The following GRIP1 variants were observed in gnomAD, a reference collection of about 807,000 sequenced individuals.
The protein encoded by GRIP1 is glutamate receptor interacting protein 1, also known as glutamate receptor-interacting protein 1.
GRIP1 carries 45 observed loss-of-function variants against 129.9 expected under a neutral mutation model. The observed-to-expected ratio is 0.35, with a 90% CI of 0.27 to 0.44. The LOEUF (loss-of-function observed/expected upper bound fraction) is 0.44, where lower values mean the gene tolerates loss of function less well. GRIP1 is among the 20% of genes least tolerant of loss of function. The pLI is 1.00. For missense variants in GRIP1, 1,196 were observed against 1,396.8 expected (o/e 0.86, Z 2.29); for synonymous variants, 530 against 520.8 (o/e 1.02, Z -0.24).
chr12:66,614,984 C>G (rs905744051), intron 1 of GRIP1, among the ~76,000 whole-genome samples: 3 of 152,152 alleles, frequency 2.0e-5, no homozygotes, highest in Non-Finnish European at 4.4e-5. Context: ...GCTGCTTCTC[C>G]TTTCCCAAGT....
Position 66,539,093 on chromosome 12 carries a change from C to G in GRIP1, c.403G>C (p.Glu135Gln). 1 of 1,613,816 alleles carries G rather than the reference C, an allele frequency of 6.2e-7. No homozygotes were observed. Among genetic ancestry groups the G allele is most frequent in the African/African-American group, 1.3e-5 (1 of 74,926 alleles). Residue 135 changes from glutamate (E) to glutamine (Q), a missense_variant, in exon 4 of 25, where the codon GAG (glutamate) becomes CAG (glutamine). Physicochemically the swap from Glu to Gln is conservative, Grantham distance 29 (BLOSUM62 2). Transcript: ENST00000359742. ...CTGTACTTACAGACCGGTGGAAGCTCGTACTCTACTTCAAGAACCACTCTT... is the reference window on the plus strand; with the variant it reads ...CTGTACTTACAGACCGGTGGAAGCTGGTACTCTACTTCAAGAACCACTCTT... Reference protein sequence around the residue: ...GERVVLEVEYELPPVSVQGSS... With the variant: ...GERVVLEVEYQLPPVSVQGSS...
intron 1 of GRIP1, among the ~76,000 whole-genome samples, chr12:66,834,021 C>G (rs1179298792): frequency 3.3e-5 from 5 of 151,760 alleles, no homozygotes; most frequent in Admixed American, 2.0e-4. Context: ...ACTAAAAATA[C>G]AGAAAAATTA....
chr12:66,704,276 T>C (rs1215142341), intron 1 of GRIP1, among the ~76,000 whole-genome samples: 1 of 151,996 alleles, frequency 6.6e-6, no homozygotes, highest in African/African-American at 2.4e-5. Flanking sequence ...ATTTTCAAAG[T>C]ATTAAAGCAA....
rs112090706 is a variant in GRIP1, at chr12:66,917,897, C to A, written c.58+151153G>T. ...TATCTCTGAACCAAAACTACTGAGT[C>A]CTAGTGTATCAGAGTTTTCCAAAGC... On this transcript the variant is annotated intron_variant, in intron 1 of 1. Transcript: ENST00000643019. Among the ~76,000 whole-genome samples, 477 of 151,858 alleles carry A rather than the reference C, an allele frequency of 3.1e-3. 1 individual carries two copies. The highest frequency in any genetic ancestry group is 0.011 in the African/African-American group (455 of 41,364).
At position 66,476,383 on chromosome 12, in the gene GRIP1, C is replaced by T. The variant is rs372609006; in HGVS notation, c.725-10961G>A. Among the ~76,000 whole-genome samples, 3 of 152,196 alleles carry T rather than the reference C, an allele frequency of 2.0e-5. No homozygotes were observed. In the East Asian group the frequency reaches 5.8e-4, roughly 29 times the overall value. ...ATTGAAGCAATAATTAATAGCTTAC[C>T]AACCAAAAAGAGTCCAGGATCAGAT... On this transcript the variant is annotated intron_variant, in intron 7 of 24. Transcript: ENST00000359742.
intron 1 of GRIP1, among the ~76,000 whole-genome samples, chr12:67,016,034 CATGTAACTCTGGGTT>C (rs1405579432): frequency 3.3e-5 from 5 of 152,152 alleles, no homozygotes; most frequent in African/African-American, 1.2e-4. Context: ...AATCTGAAAC[CATGTAACTCTGGGTT>C]ATGGGGATGC....
intron 1 of GRIP1, among the ~76,000 whole-genome samples, chr12:66,739,457 G>A (rs910559073): frequency 6.6e-6 from 1 of 152,100 alleles, no homozygotes; most frequent in African/African-American, 2.4e-5. Context: ...CAAGCCCCAT[G>A]CACCAGTTAA....
chr12:66,571,588 T>G (rs1293376234), intron 2 of GRIP1, among the ~76,000 whole-genome samples: 1 of 152,180 alleles, frequency 6.6e-6, no homozygotes, highest in Non-Finnish European at 1.5e-5. Context: ...AGTTTCCCTT[T>G]AAAAGCACAA....
chr12:66,658,876 A>G (rs899571764), intron 1 of GRIP1, among the ~76,000 whole-genome samples: 2 of 151,996 alleles, frequency 1.3e-5, no homozygotes, highest in Non-Finnish European at 2.9e-5. Flanking sequence ...GTGAGCCATG[A>G]TCATGCCATT....
In GRIP1 at chr12:66,518,026, TA is replaced by T. The variant is rs546597543; in HGVS notation, c.503-51del. On this transcript the variant is annotated intron_variant, in intron 5 of 24. Transcript: ENST00000359742. Reference sequence around the variant, plus strand: ...TAAAACTGCTTTCATTGTTGGCATTTAAAAAAAATCACCTACAAGATATCAG... The same window carrying T: ...TAAAACTGCTTTCATTGTTGGCATTTAAAAAAATCACCTACAAGATATCAG... 2.1e-4 allele frequency: 211 copies of T among 1,014,566 alleles called. 1 individual carries two copies. In the South Asian group the frequency reaches 2.2e-3, roughly 11 times the overall value. The allele number at this position is 1,014,566 out of a possible 1,614,324, so 62.8% of individuals were successfully genotyped here.
At chr12:66,369,916 C>G (rs138540059) in intron 23 of GRIP1, among the ~76,000 whole-genome samples, 176 of 152,308 alleles carry the variant, frequency 1.2e-3, no homozygotes, top group African/African-American at 3.9e-3. Context: ...ACTGGATAAA[C>G]AAGCTAACCT....
intron 1 of GRIP1, among the ~76,000 whole-genome samples, chr12:66,840,934 G>C (rs1486376501): frequency 1.3e-5 from 2 of 152,166 alleles, no homozygotes; most frequent in Non-Finnish European, 2.9e-5. Flanking sequence ...TTTTGAAATT[G>C]AAAGAGTTTC....
At chr12:66,734,261 G>C (rs970712190) in intron 1 of GRIP1, among the ~76,000 whole-genome samples, 1 of 152,134 alleles carries the variant, frequency 6.6e-6, no homozygotes, top group Non-Finnish European at 1.5e-5. Flanking sequence ...CTGATACCTA[G>C]GGCTGAAAGC....
intron 11 of GRIP1, among the ~76,000 whole-genome samples, chr12:66,451,340 A>T (rs954357275): frequency 2.7e-5 from 4 of 150,658 alleles, no homozygotes; most frequent in Non-Finnish European, 4.4e-5. Context: ...GCATTTAAAA[A>T]ATATAGAGAA....
chr12:66,424,255 A>G (rs1037722927), intron 14 of GRIP1, among the ~76,000 whole-genome samples: 1 of 152,200 alleles, frequency 6.6e-6, no homozygotes, highest in African/African-American at 2.4e-5. Context: ...CTGCCTATAG[A>G]TATACATTCT....
chr12:67,003,642 G>C lies in GRIP1; in HGVS notation c.58+65408C>G, dbSNP rs554291521. ...CAGGAGGCGGAGGTTGCAGTGAGCC[G>C]AGATTGCGCCATTGCACTCCAGCCT... On this transcript the variant is annotated intron_variant, in intron 1 of 1. Transcript: ENST00000643019. Among the ~76,000 whole-genome samples, 3 of 152,098 alleles carry C rather than the reference G, an allele frequency of 2.0e-5. No homozygotes were observed. In the East Asian group the frequency reaches 5.8e-4, roughly 29 times the overall value.
intron 1 of GRIP1, among the ~76,000 whole-genome samples, chr12:66,789,095 C>T (rs1268302851): frequency 8.5e-5 from 13 of 152,116 alleles, no homozygotes; most frequent in Admixed American, 8.5e-4. Flanking sequence ...TATTCAAGGT[C>T]ACAGCATAAT....
intron 1 of GRIP1, among the ~76,000 whole-genome samples, chr12:67,029,433 G>A (rs1056238634): frequency 1.3e-5 from 2 of 152,182 alleles, no homozygotes; most frequent in Non-Finnish European, 2.9e-5. Flanking sequence ...TTTAAAACTG[G>A]TCAAGCATGG....
chr12:66,673,916 T>C (rs2034203555), intron 1 of GRIP1, among the ~76,000 whole-genome samples: 1 of 152,190 alleles, frequency 6.6e-6, no homozygotes, highest in East Asian at 1.9e-4. Context: ...CATATTATTT[T>C]AAAAAGTTGA....
Sources: gnomAD v4.1 joint callset for allele counts (sites outside exome capture counted in the v4.1 genomes callset) on GRCh38, gnomAD v4.1.1 for gene constraint, MANE v1.5 for transcripts, NCBI Gene and HGNC (gene_info 2026-07-23, HGNC 2026-07-21) for gene names.